Variants in ANKMY1 observed in about 807,000 individuals in gnomAD.
ANKMY1 encodes the protein ankyrin repeat and MYND domain-containing protein 1.
ANKMY1 carries 98 observed loss-of-function variants against 102.0 expected under a neutral mutation model. That is an observed-to-expected ratio of 0.96 (90% CI 0.82 to 1.14). The LOEUF is 1.14. Among genes scored for constraint, ANKMY1 ranks in the 50% most tolerant of loss-of-function variants. The pLI is 0.00. For synonymous variants in ANKMY1, 582 were observed against 559.9 expected (o/e 1.04, Z -0.56); for missense variants, 1,330 against 1,347.6 (o/e 0.99, Z 0.20).
In ANKMY1 at chr2:240,554,851, T is replaced by C. The variant is rs979373404; in HGVS notation, c.336+15A>G. Reference sequence around the variant, plus strand: ...GCCCTAGGGGAGGAGGCGGAGAAAGTGTGGAAGCAGTTACCTCGCCTGTGG... The same window carrying C: ...GCCCTAGGGGAGGAGGCGGAGAAAGCGTGGAAGCAGTTACCTCGCCTGTGG... On this transcript the variant is annotated intron_variant, in intron 3 of 17. Transcript: ENST00000401804. The C allele has an allele frequency of 6.2e-7, 1 of 1,613,598 alleles. No individual in the cohort carries two copies. Among genetic ancestry groups the C allele is most frequent in the Admixed American group, 1.7e-5 (1 of 60,000 alleles).
the ANKMY1 span, among the ~76,000 whole-genome samples, chr2:240,472,292 T>TCCACGGCCGCACGCGGGGAGGCAGGC: frequency 2.2e-4 from 32 of 148,146 alleles, no homozygotes; most frequent in African/African-American, 7.7e-4. Flanking sequence ...GGCCTACCAA[T>TCCACGGCCGCACGCGGGGAGGCAGGC]CTACAACTGC....
At chr2:240,471,337 C>T in the ANKMY1 span, among the ~76,000 whole-genome samples, 12 of 149,626 alleles carry the variant, frequency 8.0e-5, no homozygotes, top group South Asian at 1.3e-3. Flanking sequence ...CAGCTCACTG[C>T]GACCTCTGCC....
chr2:240,554,029 T>C (rs2091970514), intron 3 of ANKMY1: 2 of 152,234 alleles, frequency 1.3e-5, no homozygotes, highest in Admixed American at 6.5e-5. Flanking sequence ...ATGCTCACAG[T>C]CCACCCAGAC....
At chr2:240,542,259 G>A (rs2089084965) in intron 4 of ANKMY1, among the ~76,000 whole-genome samples, 1 of 150,668 alleles carries the variant, frequency 6.6e-6, no homozygotes, top group South Asian at 2.1e-4. Context: ...TGTAATCTCA[G>A]CACTTTGGGA....
intron 4 of ANKMY1, among the ~76,000 whole-genome samples, chr2:240,545,828 C>A (rs1048519067): frequency 6.6e-6 from 1 of 152,134 alleles, no homozygotes; most frequent in Non-Finnish European, 1.5e-5. Context: ...TAAAAAGAAA[C>A]GAGCAAAGCC....
At chr2:240,515,884 A>G (rs1316431504) in intron 9 of ANKMY1, among the ~76,000 whole-genome samples, 1 of 145,626 alleles carries the variant, frequency 6.9e-6, no homozygotes, top group Non-Finnish European at 1.5e-5. Flanking sequence ...TGCCCGGCTA[A>G]TTTTTTTTTT....
At chr2:240,527,058 G>A in intron 5 of ANKMY1, 1 of 965,202 alleles carries the variant, frequency 1.0e-6, no homozygotes, top group South Asian at 4.7e-5. Flanking sequence ...GATGTATGTT[G>A]CATGAGTGAA....
At chr2:240,498,986 C>A (rs566394312) in intron 15 of ANKMY1, among the ~76,000 whole-genome samples, 45 of 152,316 alleles carry the variant, frequency 3.0e-4, no homozygotes, top group Non-Finnish European at 5.0e-4. Flanking sequence ...GAACCACAAG[C>A]CTATTAAACC....
the ANKMY1 span, among the ~76,000 whole-genome samples, chr2:240,472,720 C>T: frequency 2.0e-4 from 31 of 152,160 alleles, no homozygotes; most frequent in Non-Finnish European, 3.8e-4. Context: ...CTTCAGAGAC[C>T]CAACAGATCT....
rs2077710372 is a variant in ANKMY1, at chr2:240,499,134, T to C, written c.2806+824A>G. Among the ~76,000 whole-genome samples, 1 of 152,008 alleles carries C rather than the reference T, an allele frequency of 6.6e-6. No homozygotes were observed. Among genetic ancestry groups the C allele is most frequent in the South Asian group, 2.1e-4 (1 of 4,814 alleles). On this transcript the variant is annotated intron_variant, in intron 15 of 17. Transcript: ENST00000401804. The surrounding 1 kb of genome is among the most constrained non-coding windows in gnomAD (Gnocchi z 4.2). Reference sequence around the variant, plus strand: ...TGCTCAGTGGGGGACTGTGTGAGGCTGCAGGAGGCTACTGCATGCTGAGGG... The same window carrying C: ...TGCTCAGTGGGGGACTGTGTGAGGCCGCAGGAGGCTACTGCATGCTGAGGG...
At chr2:240,532,058 G>A in intron 4 of ANKMY1, 1 of 464,516 alleles carries the variant, frequency 2.2e-6, no homozygotes, top group Admixed American at 2.4e-5. Context: ...AGAGGAGAGA[G>A]AATGAGGCAC....
At chr2:240,558,014 C>T, upstream of ANKMY1, 7 of 977,072 alleles carry the variant, frequency 7.2e-6, no homozygotes, top group Non-Finnish European at 8.5e-6. Flanking sequence ...TCCCTGGAGA[C>T]AGCCCCGCCC....
intron 4 of ANKMY1, among the ~76,000 whole-genome samples, chr2:240,540,272 C>T (rs1357195978): frequency 6.6e-6 from 1 of 152,210 alleles, no homozygotes; most frequent in Non-Finnish European, 1.5e-5. Flanking sequence ...CTCCCTTAAA[C>T]ACATAAGACT....
At position 240,481,102 on chromosome 2, in the gene ANKMY1, AAC is replaced by A; in HGVS notation, c.2886-7_2886-6del. 6.2e-7 allele frequency: 1 copy of A among 1,604,898 alleles called. No individual in the cohort carries two copies. Among genetic ancestry groups the A allele is most frequent in the Non-Finnish European group, 8.5e-7 (1 of 1,172,542 alleles). On this transcript the variant is annotated splice_region_variant and splice_polypyrimidine_tract_variant and intron_variant, in intron 16 of 17. Coordinates refer to ENST00000401804, the MANE Select transcript of ANKMY1 (RefSeq NM_001282771.3). ...CAGAACTTGAAGAAGGGAATTCTGC[AAC>A]AGAGCCTCACCGTCAGCAGGCGGCC... is the stretch of plus-strand genomic sequence containing the variant.
intron 11 of ANKMY1, among the ~76,000 whole-genome samples, chr2:240,511,293 C>T (rs1435980406): frequency 6.6e-6 from 1 of 152,248 alleles, no homozygotes; most frequent in African/African-American, 2.4e-5. Flanking sequence ...AACTGAGGCT[C>T]GGTGTGCCAT....
intron 15 of ANKMY1, among the ~76,000 whole-genome samples, chr2:240,484,211 T>G (rs1285656611): frequency 2.0e-5 from 3 of 152,196 alleles, no homozygotes; most frequent in African/African-American, 7.2e-5. Flanking sequence ...GTAATGGGAT[T>G]GCTGGGTCAA....
intron 11 of ANKMY1, among the ~76,000 whole-genome samples, chr2:240,511,552 G>C (rs527356524): frequency 6.6e-6 from 1 of 152,366 alleles, no homozygotes; most frequent in South Asian, 2.1e-4. Context: ...GAGGATGACA[G>C]AGGAGGGTCA....
chr2:240,495,151 C>G (rs1215282015), intron 15 of ANKMY1, among the ~76,000 whole-genome samples: 2 of 152,118 alleles, frequency 1.3e-5, no homozygotes, highest in East Asian at 3.9e-4. Flanking sequence ...AGCGGTAACA[C>G]CAGTGTCTGG....
At chr2:240,490,677 T>C (rs974534127) in intron 15 of ANKMY1, among the ~76,000 whole-genome samples, 1 of 152,172 alleles carries the variant, frequency 6.6e-6, no homozygotes, top group Admixed American at 6.5e-5. Context: ...TTTTACTCCA[T>C]TGTGATCTGA....
Sources: allele counts gnomAD v4.1 joint callset (sites outside exome capture counted in the v4.1 genomes callset), GRCh38; gene constraint gnomAD v4.1.1; non-coding constraint Gnocchi (gnomAD v3.1); transcripts MANE v1.5; gene names NCBI Gene and HGNC (gene_info 2026-07-23, HGNC 2026-07-21).